Variants in ZZEF1 observed in about 807,000 individuals in gnomAD.
ZZEF1 encodes the protein zinc finger ZZ-type and EF-hand domain containing 1.
Under a neutral mutation model 342.8 loss-of-function variants are expected in ZZEF1, and 157 were observed. The ratio of observed to expected loss-of-function variants is 0.46; its 90% CI spans 0.40 to 0.52. ZZEF1 has a LOEUF of 0.52. ZZEF1 is among the 20% of genes least tolerant of loss of function. The probability of loss-of-function intolerance (pLI) is 0.00; values close to 1 mark genes in which losing one functional copy is unlikely to be tolerated. For synonymous variants in ZZEF1, 1,505 were observed against 1,429.1 expected (o/e 1.05, Z -1.20); for missense variants, 3,480 against 3,725.6 (o/e 0.93, Z 1.72).
In ZZEF1 at chr17:4,017,549, A is replaced by T. The variant is rs1567763496; in HGVS notation, c.7823T>A (p.Phe2608Tyr). ...GACAGCTGTGGCCTCGTTCACTCGG[A>T]AGAGGTAGTCCCGGACAGCCCTCTT... ...KSKRAVRDYLFRVNEATAVLY... is the reference protein window; with the variant it reads ...KSKRAVRDYLYRVNEATAVLY... Residue 2608 changes from phenylalanine (F) to tyrosine (Y), a missense_variant, in exon 48 of 55, where the codon TTC becomes TAC. This residue lies in a region of ZZEF1 where 1,269 missense variants were observed against 1,342.4 expected (regional missense o/e 0.95). Coordinates refer to ENST00000381638, the MANE Select transcript of ZZEF1 (RefSeq NM_015113.4). This position sits in a 1 kb window ranked among gnomAD's most constrained non-coding sequence, Gnocchi z 5.1. 8 of 1,614,228 alleles carry T rather than the reference A, an allele frequency of 5.0e-6. No homozygotes were observed. The highest frequency in any genetic ancestry group is 6.8e-6 in the Non-Finnish European group (8 of 1,180,040).
chr17:4,036,204 C>T (rs564497976), intron 39 of ZZEF1, among the ~76,000 whole-genome samples: 6 of 152,074 alleles, frequency 3.9e-5, no homozygotes, highest in Non-Finnish European at 5.9e-5. Context: ...GGATTCTCAC[C>T]GTTAAAGACT....
At chr17:4,064,040 T>A (rs909868487) in intron 29 of ZZEF1, among the ~76,000 whole-genome samples, 9 of 149,690 alleles carry the variant, frequency 6.0e-5, no homozygotes, top group East Asian at 3.9e-4. Flanking sequence ...AGCTAATTTT[T>A]AAAAAAAATT....
chr17:4,050,015 C>T (rs2057011762), intron 36 of ZZEF1, among the ~76,000 whole-genome samples, 156 bp from the exon 37 acceptor site: 1 of 152,218 alleles, frequency 6.6e-6, no homozygotes, highest in African/African-American at 2.4e-5. Context: ...CCCTCGCTGT[C>T]TAAATCTACT....
At chr17:4,136,877 T>C (rs1018943820) in intron 1 of ZZEF1, among the ~76,000 whole-genome samples, 1 of 152,062 alleles carries the variant, frequency 6.6e-6, no homozygotes, top group African/African-American at 2.4e-5. Flanking sequence ...TCTTCCAGCC[T>C]CTCAAGCCTT....
Position 4,111,661 on chromosome 17 carries a change from A to AAAAAAAAAAAAG in ZZEF1, c.1066+947_1066+948insCTTTTTTTTTTT, listed in dbSNP as rs150016203. ...GCGACAATGCGAGGCTCTGTCTCAA[A>AAAAAAAAAAAAG]AAAAAAATATATAGAAAAAACATAT... is the stretch of plus-strand genomic sequence containing the variant. On this transcript the variant is annotated intron_variant, in intron 5 of 54. Transcript: ENST00000381638. Among the ~76,000 whole-genome samples, 49 of 139,050 alleles carry AAAAAAAAAAAAG rather than the reference A, an allele frequency of 3.5e-4. 5 individuals carry two copies. The highest frequency in any genetic ancestry group is 4.6e-4 in the Non-Finnish European group (30 of 65,204). 91.2% of individuals were successfully genotyped at this position (139,050 alleles called of 152,430 possible).
intron 25 of ZZEF1, among the ~76,000 whole-genome samples, chr17:4,072,101 C>T (rs547329213): frequency 1.3e-3 from 194 of 151,816 alleles, no homozygotes; most frequent in Non-Finnish European, 2.5e-3. Context: ...GGAAGAGCCA[C>T]TGGATTTGGC....
chr17:4,112,282 A>G (rs1597909352), intron 5 of ZZEF1, among the ~76,000 whole-genome samples: 1 of 150,596 alleles, frequency 6.6e-6, no homozygotes, highest in Non-Finnish European at 1.5e-5. Context: ...AGTGGCTGGG[A>G]TTACAGGTAC....
chr17:4,024,965 G>A lies in ZZEF1; in HGVS notation c.7046C>T (p.Thr2349Ile), dbSNP rs1162479651. 6.2e-7 allele frequency: 1 copy of A among 1,614,188 alleles called. No homozygotes were observed. The highest frequency in any genetic ancestry group is 1.1e-5 in the South Asian group (1 of 91,082). The change falls in exon 43 of 55, where the codon ACT becomes ATT. Residue 2349 changes from threonine to isoleucine, a missense_variant. Thr to Ile is a moderately conservative substitution (Grantham distance 89). Coordinates refer to ENST00000381638, the MANE Select transcript of ZZEF1 (RefSeq NM_015113.4). ...DSHCPEAVEA[T>I]WVLSLALKGL... ...TTTCAGGGCCAGGGACAGGACCCAAGTTGCTTCTACTGCCTCGGGACAATG... is the reference window on the plus strand; with the variant it reads ...TTTCAGGGCCAGGGACAGGACCCAAATTGCTTCTACTGCCTCGGGACAATG...
intron 53 of ZZEF1, chr17:4,009,292 A>G (rs1398105476): frequency 1.8e-6 from 1 of 559,674 alleles, no homozygotes; most frequent in Admixed American, 3.1e-5. Context: ...GAGGGGAGGA[A>G]AAAAAGAGAA....
chr17:4,106,574 T>C (rs1461315798), intron 6 of ZZEF1, among the ~76,000 whole-genome samples: 38 of 152,190 alleles, frequency 2.5e-4, no homozygotes, highest in Admixed American at 2.5e-3. Context: ...CTTAAACAGA[T>C]TAGCACATCA....
At position 4,104,722 on chromosome 17, in the gene ZZEF1, G is replaced by C. The variant is rs1363914565; in HGVS notation, c.1484C>G (p.Thr495Ser). The part of the protein sequence containing the change: ...SVAKVMSSLC[T>S]ITDHLDTQYD... ...CTGCGTGTCCAGATGGTCAGTGATG[G>C]TGCATAGAGAGCTCATGACTTTGGC... The change falls in exon 8 of 55, where the codon ACC (threonine) becomes AGC (serine). Residue 495 changes from threonine (T) to serine (S), a missense_variant. Physicochemically the swap from Thr to Ser is moderately conservative, Grantham distance 58. This residue lies in a region of ZZEF1 where 1,528 missense variants were observed against 1,624.1 expected (regional missense o/e 0.94). Coordinates refer to ENST00000381638, the MANE Select transcript of ZZEF1 (RefSeq NM_015113.4). 1.2e-6 allele frequency: 2 copies of C among 1,614,184 alleles called. No homozygotes were observed. The highest frequency in any genetic ancestry group is 1.7e-6 in the Non-Finnish European group (2 of 1,180,016).
At chr17:4,059,048 T>G in intron 31 of ZZEF1, 123 bp downstream of exon 31, 1 of 791,034 alleles carries the variant, frequency 1.3e-6, no homozygotes, top group Non-Finnish European at 1.9e-6. Context: ...GGTGGTAACA[T>G]TAGAGGTTAT....
At chr17:4,077,068 A>G in intron 19 of ZZEF1, 79 bp from the exon 20 acceptor site, 1 of 1,362,100 alleles carries the variant, frequency 7.3e-7, no homozygotes, top group Non-Finnish European at 9.6e-7. Context: ...GACAAGAATA[A>G]AGAGACTCCA....
chr17:4,059,393 G>A, intron 30 of ZZEF1, 103 bp from the exon 31 acceptor site: 1 of 1,429,162 alleles, frequency 7.0e-7, no homozygotes, highest in Non-Finnish European at 9.4e-7. Context: ...GCAGTCAGCT[G>A]AGCAAAGCGG....
intron 31 of ZZEF1, among the ~76,000 whole-genome samples, chr17:4,058,829 T>C (rs1285616058): frequency 6.6e-6 from 1 of 152,182 alleles, no homozygotes; most frequent in African/African-American, 2.4e-5. Flanking sequence ...TGAGCCACAA[T>C]TGAGTCACTG....
rs904253827 is a variant in ZZEF1, at chr17:4,005,191, G to C, written c.*1699C>G. 1 of 152,338 alleles carries C rather than the reference G, an allele frequency of 6.6e-6. No homozygotes were observed. The highest frequency in any genetic ancestry group is 1.5e-5 in the Non-Finnish European group (1 of 68,126). 9.4% of individuals were successfully genotyped at this position (152,338 alleles called of 1,614,324 possible). A position where few individuals can be genotyped will look rare whatever the true frequency, so the allele number is the denominator to read the frequency against. ...CTCTTGGGAAACTCCTTACTGGGAG[G>C]CCTCCTCGGGTCTGAGGGATGAAGA... On this transcript the variant is annotated 3_prime_UTR_variant, in exon 55 of 55. Transcript: ENST00000381638.
At chr17:4,072,509 C>T (rs957346680) in intron 25 of ZZEF1, 99 bp downstream of exon 25, 27 of 1,386,872 alleles carry the variant, frequency 1.9e-5, no homozygotes, top group Admixed American at 1.7e-4. Context: ...CTGCTTAATA[C>T]GGGTAGTAAG....
intron 18 of ZZEF1, among the ~76,000 whole-genome samples, chr17:4,078,978 C>T (rs1182595002): frequency 1.3e-5 from 2 of 152,164 alleles, no homozygotes; most frequent in African/African-American, 4.8e-5. Flanking sequence ...ATAGCTGCAT[C>T]TCTAGCAAGG....
chr17:4,097,216 C>T (rs897496376), intron 9 of ZZEF1, among the ~76,000 whole-genome samples: 3 of 150,208 alleles, frequency 2.0e-5, no homozygotes, highest in African/African-American at 7.4e-5. Flanking sequence ...TGTGCCACTG[C>T]ACTCCAGCCT....
Sources: gnomAD v4.1 joint callset for allele counts (sites outside exome capture counted in the v4.1 genomes callset) on GRCh38, gnomAD v4.1.1 for gene constraint, gnomAD v4.1.1 regional missense constraint, Gnocchi (gnomAD v3.1) non-coding constraint, MANE v1.5 for transcripts, NCBI Gene and HGNC (gene_info 2026-07-23, HGNC 2026-07-21) for gene names.